The following HLCS variants were observed in gnomAD, a reference collection of about 807,000 sequenced individuals.
HLCS encodes biotin--protein ligase.
Under a neutral mutation model 75.0 loss-of-function variants are expected in HLCS, and 53 were observed. That is an observed-to-expected ratio of 0.71 (90% CI 0.57 to 0.89). The LOEUF (loss-of-function observed/expected upper bound fraction) is 0.89. Among genes scored for constraint, HLCS ranks in the 40% least tolerant of loss-of-function variants. The pLI is 0.00. For missense variants in HLCS, 966 were observed against 1,074.0 expected, an observed-to-expected ratio of 0.90 and a Z score of 1.41; for synonymous variants, 431 against 428.6, an observed-to-expected ratio of 1.01 and a Z score of -0.07.
chr21:36,809,535 C>T (rs546928685), intron 6 of HLCS, among the ~76,000 whole-genome samples: 113 of 152,066 alleles, frequency 7.4e-4, no homozygotes, highest in African/African-American at 2.6e-3. Context: ...TTTTTTTCTG[C>T]TCCATTTTCT....
At chr21:36,785,673 C>T (rs544383212) in intron 6 of HLCS, among the ~76,000 whole-genome samples, 8 of 152,272 alleles carry the variant, frequency 5.3e-5, no homozygotes, top group South Asian at 4.2e-4. Context: ...AGTTGGCTTC[C>T]GTGTCCACTT....
chr21:36,801,371 C>G (rs2061195699), intron 6 of HLCS, among the ~76,000 whole-genome samples: 1 of 152,242 alleles, frequency 6.6e-6, no homozygotes, highest in Admixed American at 6.5e-5. Flanking sequence ...CCCAAATCAT[C>G]TGTGCCACAT....
intron 3 of HLCS, among the ~76,000 whole-genome samples, chr21:36,938,597 C>T (rs2066999398): frequency 6.6e-6 from 1 of 152,202 alleles, no homozygotes; most frequent in African/African-American, 2.4e-5. Flanking sequence ...CCTCCCAGCT[C>T]AAGTGATCCT....
chr21:36,842,525 A>C lies in HLCS; in HGVS notation c.1892+54335T>G, dbSNP rs2062651042. Among the ~76,000 whole-genome samples, 3 of 152,190 alleles carry C rather than the reference A, an allele frequency of 2.0e-5. No homozygotes were observed. The highest frequency in any genetic ancestry group is 6.5e-5 in the Admixed American group (1 of 15,276). On this transcript the variant is annotated intron_variant, in intron 6 of 10. Transcript: ENST00000674895. This position sits in a 1 kb window ranked among gnomAD's most constrained non-coding sequence, Gnocchi z 4.2. ...GAGGCCAAGGTGGGCAGATCACATG[A>C]GGCCAGGAGTTCGAGACCAGCCTGG...
intron 7 of HLCS, among the ~76,000 whole-genome samples, chr21:36,765,656 T>C (rs564105793): frequency 1.3e-5 from 2 of 149,226 alleles, no homozygotes; most frequent in Non-Finnish European, 2.9e-5. Flanking sequence ...ATTTTTATTA[T>C]TATTTTTTAA....
intron 6 of HLCS, among the ~76,000 whole-genome samples, chr21:36,769,630 C>T (rs959994021): frequency 2.0e-5 from 3 of 152,180 alleles, no homozygotes; most frequent in Non-Finnish European, 4.4e-5. Context: ...GGAACCAAAG[C>T]GGCACTCAGG....
intron 1 of HLCS, among the ~76,000 whole-genome samples, chr21:36,978,472 C>T (rs1007884698): frequency 3.7e-4 from 55 of 148,912 alleles, no homozygotes; most frequent in African/African-American, 1.2e-3. Context: ...CCAGCCTGGG[C>T]GACAGAGCAA....
chr21:36,963,565 C>T (rs1198725594), intron 1 of HLCS, among the ~76,000 whole-genome samples: 1 of 151,928 alleles, frequency 6.6e-6, no homozygotes, highest in Non-Finnish European at 1.5e-5. Context: ...CCAGCCTGAC[C>T]AACATGAAGA....
At chr21:36,861,909 A>G (rs1246670051) in intron 6 of HLCS, among the ~76,000 whole-genome samples, 2 of 152,110 alleles carry the variant, frequency 1.3e-5, no homozygotes, top group African/African-American at 4.8e-5. Context: ...TCCCTCACAC[A>G]TTAGCAGCCA....
chr21:36,872,198 G>A (rs1339793152), intron 6 of HLCS, among the ~76,000 whole-genome samples: 6 of 152,028 alleles, frequency 3.9e-5, no homozygotes, highest in East Asian at 1.9e-4. Flanking sequence ...TGAGGCGGGC[G>A]GATCACAAGG....
chr21:36,756,969 A>G (rs981280365), intron 9 of HLCS: 4 of 984,924 alleles, frequency 4.1e-6, no homozygotes, highest in African/African-American at 3.5e-5. Flanking sequence ...AGCTAAAACC[A>G]TCTCAACCTT....
At chr21:36,896,283 G>A (rs79077176) in intron 6 of HLCS, among the ~76,000 whole-genome samples, 140 of 152,310 alleles carry the variant, frequency 9.2e-4, no homozygotes, top group Non-Finnish European at 1.5e-3. Flanking sequence ...TCAGAAGGTC[G>A]AGGCTGCAGT....
At chr21:36,864,137 T>C (rs796955605) in intron 6 of HLCS, among the ~76,000 whole-genome samples, 9 of 152,322 alleles carry the variant, frequency 5.9e-5, no homozygotes, top group African/African-American at 2.2e-4. Flanking sequence ...TCGTGGCTCA[T>C]GCCTGTAATT....
chr21:36,758,908 T>TGGGAGGCGGAGGCTGCA (rs1311421177), intron 9 of HLCS, among the ~76,000 whole-genome samples: 7 of 151,264 alleles, frequency 4.6e-5, no homozygotes, highest in African/African-American at 1.7e-4. Context: ...CACTTGAACC[T>TGGGAGGCGGAGGCTGCA]GGGAGGCGGA....
At chr21:36,941,203 C>T (rs1192245069) in intron 2 of HLCS, among the ~76,000 whole-genome samples, 1 of 152,132 alleles carries the variant, frequency 6.6e-6, no homozygotes, top group African/African-American at 2.4e-5. Flanking sequence ...AAGAGCAAGA[C>T]TCTGTCTCAA....
At chr21:36,978,753 G>T (rs561386299) in intron 1 of HLCS, among the ~76,000 whole-genome samples, 4 of 152,164 alleles carry the variant, frequency 2.6e-5, no homozygotes, top group African/African-American at 9.6e-5. Context: ...GGGAATGTAC[G>T]TGTCACCGAG....
At chr21:36,811,276 A>G (rs2145960346) in intron 6 of HLCS, among the ~76,000 whole-genome samples, 3 of 152,350 alleles carry the variant, frequency 2.0e-5, no homozygotes, top group Admixed American at 2.0e-4. Flanking sequence ...TACAGCTGCC[A>G]TGCTCTTCAC....
At chr21:36,896,713 T>G in intron 6 of HLCS, 147 bp downstream of exon 6, 1 of 887,760 alleles carries the variant, frequency 1.1e-6, no homozygotes, top group Non-Finnish European at 1.8e-6. Flanking sequence ...GATTTAACTC[T>G]TCTAGGACAA....
intron 6 of HLCS, among the ~76,000 whole-genome samples, chr21:36,805,844 T>TA (rs940815344): frequency 1.3e-5 from 2 of 152,150 alleles, no homozygotes; most frequent in Non-Finnish European, 2.9e-5. Flanking sequence ...AAGTAGGAGT[T>TA]AAAAGAATAA....
Sources: allele counts gnomAD v4.1 joint callset (sites outside exome capture counted in the v4.1 genomes callset), GRCh38; gene constraint gnomAD v4.1.1; non-coding constraint Gnocchi (gnomAD v3.1); transcripts MANE v1.5; gene names NCBI Gene and HGNC (gene_info 2026-07-23, HGNC 2026-07-21).